Variants in RERE observed in about 807,000 individuals in gnomAD.
RERE encodes the protein arginine-glutamic acid dipeptide repeats protein.
RERE carries 40 observed loss-of-function variants against 146.1 expected under a neutral mutation model. That is an observed-to-expected ratio of 0.27 (90% CI 0.21 to 0.36). The LOEUF (loss-of-function observed/expected upper bound fraction) is 0.36. RERE is among the 10% of genes least tolerant of loss of function. The pLI is 1.00. For synonymous variants in RERE, 1,003 were observed against 866.0 expected, an observed-to-expected ratio of 1.16 and a Z score of -2.78; for missense variants, 1,933 against 2,138.7, an observed-to-expected ratio of 0.90 and a Z score of 1.90.
intron 1 of RERE, among the ~76,000 whole-genome samples, chr1:8,739,025 A>G (rs1173773704): frequency 6.6e-6 from 1 of 152,212 alleles, no homozygotes; most frequent in Non-Finnish European, 1.5e-5. Flanking sequence ...AGAACACTCT[A>G]TGTCCAGTCA....
At chr1:8,702,179 A>G (rs1052900495) in intron 1 of RERE, among the ~76,000 whole-genome samples, 1 of 152,198 alleles carries the variant, frequency 6.6e-6, no homozygotes, top group African/African-American at 2.4e-5. Context: ...CTTAAAACAC[A>G]GAGGCACAAA....
chr1:8,495,562 TCA>T, intron 9 of RERE, among the ~76,000 whole-genome samples: 1 of 152,362 alleles, frequency 6.6e-6, no homozygotes, highest in Non-Finnish European at 1.5e-5. Flanking sequence ...TCTGCTCACC[TCA>T]GCCTCCTAAA....
intron 3 of RERE, 129 bp downstream of exon 3, chr1:8,624,181 G>A (rs1646947467): frequency 4.2e-6 from 3 of 706,314 alleles, no homozygotes; most frequent in Non-Finnish European, 7.6e-6. Context: ...ACTGCCACGA[G>A]GCAGTTAGCA....
At chr1:8,458,433 T>C (rs972444761) in intron 11 of RERE, among the ~76,000 whole-genome samples, 1 of 151,968 alleles carries the variant, frequency 6.6e-6, no homozygotes, top group Non-Finnish European at 1.5e-5. Flanking sequence ...AAATGAAAAA[T>C]ATACCGTCAA....
At chr1:8,791,203 G>A (rs918343227) in intron 1 of RERE, among the ~76,000 whole-genome samples, 1 of 152,152 alleles carries the variant, frequency 6.6e-6, no homozygotes, top group Admixed American at 6.5e-5. Flanking sequence ...CTGCCTGAAG[G>A]TGGTCTGCCA....
intron 2 of RERE, among the ~76,000 whole-genome samples, chr1:8,626,709 C>CTGTG (rs1195828744): frequency 1.3e-5 from 2 of 152,174 alleles, no homozygotes; most frequent in Non-Finnish European, 2.9e-5. Context: ...CATTCCAAGC[C>CTGTG]TGTGATAAGC....
chr1:8,592,861 T>C (rs1646511915), intron 4 of RERE, among the ~76,000 whole-genome samples: 1 of 152,192 alleles, frequency 6.6e-6, no homozygotes, highest in Non-Finnish European at 1.5e-5. Flanking sequence ...TTCTAAATCA[T>C]TAAAATACAA....
At chr1:8,545,809 G>A (rs1056568823) in intron 6 of RERE, among the ~76,000 whole-genome samples, 2 of 148,594 alleles carry the variant, frequency 1.3e-5, no homozygotes, top group East Asian at 2.0e-4. Flanking sequence ...TCAGCCTCCC[G>A]AGTAGCTGGG....
rs1553157691 is a variant in RERE at position 8,372,507 on chromosome 1, C to CATGTGTGTGTGTGTGTGT, written c.1285-6534_1285-6533insACACACACACACACACAT. Among the ~76,000 whole-genome samples, 245 of 131,824 alleles carry CATGTGTGTGTGTGTGTGT rather than the reference C, an allele frequency of 1.9e-3. 1 individual carries two copies. Among genetic ancestry groups the CATGTGTGTGTGTGTGTGT allele is most frequent in the African/African-American group, 6.2e-3 (221 of 35,430 alleles). 86.5% of individuals were successfully genotyped at this position (131,824 alleles called of 152,430 possible). A position where few individuals can be genotyped will look rare whatever the true frequency, so the allele number is the denominator to read the frequency against. ...TGCAGCCTGCCACCTACCATCAGGT[C>CATGTGTGTGTGTGTGTGT]GTGTGTGTGTGTGTGTGTGTGTGTG... On this transcript the variant is annotated intron_variant, in intron 12 of 22. Transcript: ENST00000400908.
chr1:8,547,894 T>C (rs752145712), intron 6 of RERE, among the ~76,000 whole-genome samples: 2 of 152,168 alleles, frequency 1.3e-5, no homozygotes, highest in Non-Finnish European at 2.9e-5. Context: ...TAAGAAAATA[T>C]ATATGCACAA....
At chr1:8,564,458 T>C (rs1296938067) in intron 4 of RERE, among the ~76,000 whole-genome samples, 1 of 152,198 alleles carries the variant, frequency 6.6e-6, no homozygotes, top group East Asian at 1.9e-4. Context: ...GATGTGGAAT[T>C]TTCTACTTAC....
At position 8,817,572 on chromosome 1, in the gene RERE, G is replaced by C. The variant is rs1303317690; in HGVS notation, c.-557C>G. On this transcript the variant is annotated 5_prime_UTR_variant, in exon 1 of 23. Coordinates refer to ENST00000400908, the MANE Select transcript of RERE (RefSeq NM_001042681.2). Reference sequence around the variant, plus strand: ...GGAGGCGGGGACCGAGGCCCAGCGGGGCGAGCGTCTCGGGGTGTGCGGGAG... The same window carrying C: ...GGAGGCGGGGACCGAGGCCCAGCGGCGCGAGCGTCTCGGGGTGTGCGGGAG... 6.6e-6 allele frequency: 1 copy of C among 151,002 alleles called. No homozygotes were observed. Among genetic ancestry groups the C allele is most frequent in the East Asian group, 2.0e-4 (1 of 5,094 alleles). The allele number at this position is 151,002 out of a possible 1,614,324, so 9.4% of individuals were successfully genotyped here.
At position 8,423,541 on chromosome 1, in the gene RERE, TCC is replaced by T. The variant is rs1570206474; in HGVS notation, c.1204-736_1204-735del. Reference sequence around the variant, plus strand: ...CCCTCCCCGCCCCGGTGGGGGCAGCTCCTGGCTCCGAGCCCCCACCTCGGGGC... The same window carrying T: ...CCCTCCCCGCCCCGGTGGGGGCAGCTTGGCTCCGAGCCCCCACCTCGGGGC... On this transcript the variant is annotated intron_variant, in intron 11 of 22. Coordinates refer to ENST00000400908, the MANE Select transcript of RERE (RefSeq NM_001042681.2). This position sits in a 1 kb window ranked among gnomAD's most constrained non-coding sequence, Gnocchi z 5.4. 2 of 984,722 alleles carry T rather than the reference TCC, an allele frequency of 2.0e-6. No individual in the cohort carries two copies. Among genetic ancestry groups the T allele is most frequent in the Non-Finnish European group, 2.4e-6 (2 of 829,626 alleles). The allele number at this position is 984,722 out of a possible 1,614,324, so 61.0% of individuals were successfully genotyped here.
chr1:8,491,762 G>A (rs546407219), intron 10 of RERE, among the ~76,000 whole-genome samples: 1 of 152,236 alleles, frequency 6.6e-6, no homozygotes, highest in East Asian at 1.9e-4. Context: ...TGGCCATATA[G>A]CCTATTTCAT....
chr1:8,523,348 A>G (rs1645529578), intron 7 of RERE, among the ~76,000 whole-genome samples: 1 of 152,250 alleles, frequency 6.6e-6, no homozygotes, highest in African/African-American at 2.4e-5. Flanking sequence ...TATTACAATG[A>G]TAAGAACAAC....
chr1:8,606,546 G>A (rs1646711248), intron 4 of RERE, among the ~76,000 whole-genome samples: 1 of 152,260 alleles, frequency 6.6e-6, no homozygotes, highest in African/African-American at 2.4e-5. Context: ...CAGCTATTAA[G>A]TTTTAATCAA....
chr1:8,679,188 T>A (rs1386220761), intron 1 of RERE, among the ~76,000 whole-genome samples: 1 of 152,214 alleles, frequency 6.6e-6, no homozygotes, highest in Non-Finnish European at 1.5e-5. Context: ...TCTCTTTTAA[T>A]CAACTCTAAT....
At chr1:8,487,312 G>A (rs966592757) in intron 10 of RERE, among the ~76,000 whole-genome samples, 1 of 152,160 alleles carries the variant, frequency 6.6e-6, no homozygotes, top group Non-Finnish European at 1.5e-5. Context: ...GCCAGGTGCA[G>A]TGGCTTACAC....
chr1:8,545,397 T>C (rs1402970899), intron 6 of RERE, among the ~76,000 whole-genome samples: 1 of 152,082 alleles, frequency 6.6e-6, no homozygotes, highest in Non-Finnish European at 1.5e-5. Context: ...AGGAGGTGGC[T>C]ATATGAAAAG....
Sources: allele counts gnomAD v4.1 joint callset (sites outside exome capture counted in the v4.1 genomes callset), GRCh38; gene constraint gnomAD v4.1.1; non-coding constraint Gnocchi (gnomAD v3.1); transcripts MANE v1.5; gene names NCBI Gene and HGNC (gene_info 2026-07-23, HGNC 2026-07-21).